The following ROBO2 variants were observed in gnomAD, a reference collection of about 807,000 sequenced individuals.
ROBO2 encodes the protein roundabout homolog 2.
In ROBO2, 53 loss-of-function variants were observed where a neutral mutation model predicts 160.8. The ratio of observed to expected loss-of-function variants is 0.33; its 90% CI spans 0.26 to 0.41. ROBO2 has a LOEUF of 0.41. Among genes scored for constraint, ROBO2 ranks in the 10% least tolerant of loss-of-function variants. The pLI is 1.00. For synonymous variants in ROBO2, 664 were observed against 611.7 expected, an observed-to-expected ratio of 1.09 and a Z score of -1.26; for missense variants, 1,577 against 1,722.4, an observed-to-expected ratio of 0.92 and a Z score of 1.49.
intron 2 of ROBO2, among the ~76,000 whole-genome samples, chr3:76,513,475 G>GC (rs950809141): frequency 5.9e-5 from 9 of 152,090 alleles, no homozygotes; most frequent in Non-Finnish European, 1.3e-4. Context: ...TCCTGCCTCA[G>GC]CCCCCTGAGC....
At chr3:76,991,102 AAGCTTTTTAG>A (rs1365102974) in intron 2 of ROBO2, among the ~76,000 whole-genome samples, 1 of 152,086 alleles carries the variant, frequency 6.6e-6, no homozygotes, top group East Asian at 1.9e-4. Flanking sequence ...TCTGGCTGTA[AAGCTTTTTAG>A]TAAACTTTCA....
At chr3:76,079,198 G>A (rs971011802) in intron 2 of ROBO2, among the ~76,000 whole-genome samples, 12 of 152,068 alleles carry the variant, frequency 7.9e-5, no homozygotes, top group African/African-American at 2.9e-4. Context: ...GTACAAATAT[G>A]GTTAGATGAA....
In ROBO2 at chr3:76,002,109, C is replaced by T. The variant is rs145740766; in HGVS notation, c.109+64507C>T. Among the ~76,000 whole-genome samples, 49 of 152,206 alleles carry T rather than the reference C, an allele frequency of 3.2e-4. No individual in the cohort carries two copies. In the East Asian group the frequency reaches 7.4e-3, roughly 23 times the overall value. ...TGTGTCCCTTCAGCAAATAATGAGG[C>T]GGTAATTCCAGTAGCTGTGAATGTG... On this transcript the variant is annotated intron_variant, in intron 2 of 26. Transcript: ENST00000487694.
chr3:76,336,760 A>C (rs1576511786), intron 2 of ROBO2, among the ~76,000 whole-genome samples: 1 of 151,750 alleles, frequency 6.6e-6, no homozygotes, highest in Admixed American at 6.6e-5. Context: ...TAAAAACATA[A>C]ATACATTATC....
chr3:77,008,289 A>G (rs1487789116), intron 2 of ROBO2, among the ~76,000 whole-genome samples: 2 of 152,170 alleles, frequency 1.3e-5, no homozygotes, highest in Non-Finnish European at 2.9e-5. Flanking sequence ...ACTATATTAT[A>G]GGAAAGAGAA....
At chr3:77,037,865 G>A (rs956357208), upstream of ROBO2, among the ~76,000 whole-genome samples, 1 of 152,110 alleles carries the variant, frequency 6.6e-6, no homozygotes, top group African/African-American at 2.4e-5. Context: ...TATATGATGT[G>A]TTAATTCCTG....
intron 2 of ROBO2, among the ~76,000 whole-genome samples, chr3:77,241,447 A>G (rs901728440): frequency 6.6e-6 from 1 of 152,254 alleles, no homozygotes; most frequent in African/African-American, 2.4e-5. Context: ...GTAAGTAGCC[A>G]AATTTTATTC....
At chr3:76,015,527 A>G (rs1364168904) in intron 2 of ROBO2, among the ~76,000 whole-genome samples, 1 of 152,238 alleles carries the variant, frequency 6.6e-6, no homozygotes, top group Non-Finnish European at 1.5e-5. Flanking sequence ...AATTTTAGCC[A>G]TCAACAACTT....
chr3:77,568,473 C>T (rs1206365495), intron 13 of ROBO2, 39 bp downstream of exon 14: 15 of 1,611,302 alleles, frequency 9.3e-6, no homozygotes, highest in Non-Finnish European at 1.3e-5. Context: ...AATCTCTTCT[C>T]TTTCGGGAAA....
intron 2 of ROBO2, among the ~76,000 whole-genome samples, chr3:76,640,568 A>AATAAATAAATAC (rs1177893171): frequency 1.2e-5 from 1 of 86,552 alleles, no homozygotes; most frequent in South Asian, 4.7e-4. Context: ...TAAATAAATA[A>AATAAATAAATAC]ATAAATATCA....
intron 1 of ROBO2, among the ~76,000 whole-genome samples, chr3:75,935,092 C>G (rs553289283): frequency 6.6e-6 from 1 of 152,132 alleles, no homozygotes; most frequent in Non-Finnish European, 1.5e-5. Flanking sequence ...ATCCTCCTGC[C>G]TCAGCCTCCC....
chr3:77,097,604 G>A (rs2071260263), intron 1 of ROBO2, among the ~76,000 whole-genome samples: 1 of 152,074 alleles, frequency 6.6e-6, no homozygotes, highest in Non-Finnish European at 1.5e-5. Flanking sequence ...TAACATATTG[G>A]CAGCACATTA....
intron 2 of ROBO2, among the ~76,000 whole-genome samples, chr3:77,477,047 GCA>G (rs3073759): frequency 6.6e-6 from 1 of 151,040 alleles, no homozygotes; most frequent in African/African-American, 2.4e-5. Flanking sequence ...ATATATGCGT[GCA>G]CACACACACA....
In ROBO2 at chr3:76,434,986, G is replaced by A. The variant is rs1191546753; in HGVS notation, c.109+497384G>A. ...GTACTTGAACTGGAGGGTAAGAAGT[G>A]GAGAGTGGAAAATCAGGAAAATGTT... On this transcript the variant is annotated intron_variant, in intron 2 of 26. Transcript: ENST00000487694. The A allele has an allele frequency of 3.2e-6, 5 of 1,566,878 alleles. No homozygotes were observed. In the East Asian group the frequency reaches 9.0e-5, roughly 28 times the overall value.
chr3:76,176,168 G>A (rs2073223405), intron 2 of ROBO2, among the ~76,000 whole-genome samples: 1 of 151,912 alleles, frequency 6.6e-6, no homozygotes, highest in Non-Finnish European at 1.5e-5. Flanking sequence ...AGTAAAATCT[G>A]GAAGTCAAGG....
At chr3:76,438,456 ATGG>A (rs1188239207) in intron 2 of ROBO2, among the ~76,000 whole-genome samples, 1 of 151,514 alleles carries the variant, frequency 6.6e-6, no homozygotes, top group Non-Finnish European at 1.5e-5. Context: ...CACATATATG[ATGG>A]TAGCACGTAT....
chr3:77,631,540 T>C (rs1273526256), intron 23 of ROBO2: 1 of 152,170 alleles, frequency 6.6e-6, no homozygotes, highest in Non-Finnish European at 1.5e-5. Flanking sequence ...GAATTAATGG[T>C]ATACCAACAT....
At chr3:76,873,667 AG>A (rs1241795268) in intron 2 of ROBO2, among the ~76,000 whole-genome samples, 1 of 152,042 alleles carries the variant, frequency 6.6e-6, no homozygotes, top group Admixed American at 6.5e-5. Context: ...CAGGGCTCAA[AG>A]GGTTCTCCTG....
At chr3:76,985,822 G>A (rs1377008572) in intron 2 of ROBO2, among the ~76,000 whole-genome samples, 1 of 152,070 alleles carries the variant, frequency 6.6e-6, no homozygotes, top group Non-Finnish European at 1.5e-5. Context: ...CATATATGAT[G>A]CCAGTATTTC....
Sources: gnomAD v4.1 joint callset for allele counts (sites outside exome capture counted in the v4.1 genomes callset) on GRCh38, gnomAD v4.1.1 for gene constraint, MANE v1.5 for transcripts, NCBI Gene and HGNC (gene_info 2026-07-23, HGNC 2026-07-21) for gene names.